RAB3C: variants seen among roughly 807,000 people sequenced by gnomAD.
RAB3C encodes the protein ras-related protein Rab-3C.
In RAB3C, 17 loss-of-function variants were observed where a neutral mutation model predicts 26.4. The ratio of observed to expected loss-of-function variants is 0.64; its 90% CI spans 0.44 to 0.97. The LOEUF (loss-of-function observed/expected upper bound fraction) is 0.97. Among genes scored for constraint, RAB3C ranks in the 50% least tolerant of loss-of-function variants. The pLI is 0.00. For synonymous variants in RAB3C, 91 were observed against 95.9 expected, an observed-to-expected ratio of 0.95 and a Z score of 0.30; for missense variants, 242 against 281.9, an observed-to-expected ratio of 0.86 and a Z score of 1.01.
At chr5:58,683,456 A>G (rs1748386801) in intron 2 of RAB3C, among the ~76,000 whole-genome samples, 1 of 152,176 alleles carries the variant, frequency 6.6e-6, no homozygotes, top group Admixed American at 6.5e-5. Flanking sequence ...TTATATCTGC[A>G]TACAGGCACA....
rs1561268324 is a variant in RAB3C at position 58,617,759 on chromosome 5, A to G, written c.141A>G (p.Leu47=). The change falls in exon 2 of 5, where the codon CTA becomes CTG. Residue 47 remains leucine (L), a synonymous_variant. Coordinates refer to ENST00000282878, the MANE Select transcript of RAB3C (RefSeq NM_138453.4). ...GCAGTGTGGGGAAAACATCTTTTCT[A>G]TTCCGTTATGCAGATGACTCCTTTA... ...GNSSVGKTSF[L]FRYADDSFTS... is the part of the protein sequence containing the mutation. 6.2e-7 allele frequency: 1 copy of G among 1,613,830 alleles called. No individual in the cohort carries two copies. The highest frequency in any genetic ancestry group is 2.2e-5 in the East Asian group (1 of 44,878).
At chr5:58,785,203 C>T (rs446155) in intron 3 of RAB3C, among the ~76,000 whole-genome samples, 119,290 of 152,168 alleles carry the variant, frequency 0.78, 46,913 homozygotes, top group African/African-American at 0.83. Context: ...ATTATCTGCA[C>T]GATGGAAACG....
chr5:58,707,125 G>A (rs1450807134), intron 2 of RAB3C, among the ~76,000 whole-genome samples: 1 of 152,002 alleles, frequency 6.6e-6, no homozygotes, highest in African/African-American at 2.4e-5. Flanking sequence ...TCCATTTCTG[G>A]AAAAAAGATG....
chr5:58,840,682 C>T (rs1743857253), intron 4 of RAB3C, among the ~76,000 whole-genome samples: 2 of 152,018 alleles, frequency 1.3e-5, no homozygotes, highest in African/African-American at 4.8e-5. Context: ...GTGGATGCAA[C>T]AGTGTACTCT....
chr5:58,652,220 T>C (rs1008566061), intron 2 of RAB3C, among the ~76,000 whole-genome samples: 1 of 151,800 alleles, frequency 6.6e-6, no homozygotes, highest in Non-Finnish European at 1.5e-5. Flanking sequence ...TTTTACAATG[T>C]TCTCTAAGGA....
At chr5:58,696,348 C>T (rs569670307) in intron 2 of RAB3C, among the ~76,000 whole-genome samples, 1 of 152,234 alleles carries the variant, frequency 6.6e-6, no homozygotes, top group South Asian at 2.1e-4. Context: ...AGGATTTTTC[C>T]ATCGATATTT....
chr5:58,816,391 A>G lies in RAB3C; in HGVS notation c.372-8647A>G, dbSNP rs574035817. On this transcript the variant is annotated intron_variant, in intron 3 of 4. Transcript: ENST00000282878. ...GAGGAGAAAGGGAGCTGGGGTATCT[A>G]TACTCCAACTTCTGTCAGTCATTGG... Among the ~76,000 whole-genome samples, 35 of 152,294 alleles carry G rather than the reference A, an allele frequency of 2.3e-4. No homozygotes were observed. In the South Asian group the frequency reaches 7.3e-3, roughly 32 times the overall value.
chr5:58,661,045 T>G (rs1747894942), intron 2 of RAB3C, among the ~76,000 whole-genome samples: 1 of 150,052 alleles, frequency 6.7e-6, no homozygotes, highest in African/African-American at 2.5e-5. Context: ...AATCAAAACA[T>G]GATAATGTTC....
chr5:58,679,223 TC>T (rs1233246447), intron 2 of RAB3C, among the ~76,000 whole-genome samples: 1 of 152,146 alleles, frequency 6.6e-6, no homozygotes, highest in Non-Finnish European at 1.5e-5. Flanking sequence ...GATTGAGGGT[TC>T]TGTGAATGTC....
intron 4 of RAB3C, among the ~76,000 whole-genome samples, chr5:58,826,934 T>C (rs1264519502): frequency 1.3e-5 from 2 of 152,144 alleles, no homozygotes; most frequent in African/African-American, 4.8e-5. Flanking sequence ...TTTGACCATT[T>C]CTCATGAGCT....
chr5:58,627,451 G>C (rs1262800296), intron 2 of RAB3C, among the ~76,000 whole-genome samples: 1 of 69,262 alleles, frequency 1.4e-5, no homozygotes, highest in Non-Finnish European at 2.6e-5. Context: ...CGGCCTGGGC[G>C]ACAGAGCGAG....
intron 3 of RAB3C, among the ~76,000 whole-genome samples, chr5:58,805,679 A>T (rs1023037335): frequency 2.0e-5 from 3 of 152,158 alleles, no homozygotes; most frequent in African/African-American, 7.2e-5. Flanking sequence ...ATGTTCCCAG[A>T]TGATGAGTTG....
At chr5:58,596,187 G>C (rs1372204633) in intron 1 of RAB3C, among the ~76,000 whole-genome samples, 1 of 151,932 alleles carries the variant, frequency 6.6e-6, no homozygotes. Flanking sequence ...TAGGACAATT[G>C]GTAACCCTAC....
chr5:58,594,832 A>G (rs1012141885), intron 1 of RAB3C, among the ~76,000 whole-genome samples: 1 of 145,298 alleles, frequency 6.9e-6, no homozygotes, highest in African/African-American at 2.5e-5. Flanking sequence ...AAACAAATGT[A>G]TTAATATTAA....
At chr5:58,617,132 C>T (rs749569621) in intron 1 of RAB3C, among the ~76,000 whole-genome samples, 4 of 152,076 alleles carry the variant, frequency 2.6e-5, no homozygotes, top group East Asian at 1.9e-4. Flanking sequence ...TTAAAAGACA[C>T]TGCCCTTTAT....
chr5:58,623,575 ACT>A (rs1043126009), intron 2 of RAB3C, among the ~76,000 whole-genome samples: 2 of 152,248 alleles, frequency 1.3e-5, no homozygotes, highest in African/African-American at 4.8e-5. Context: ...GAAAGCTGAT[ACT>A]GTGTCTGAAA....
chr5:58,708,447 C>T (rs1748993982), intron 2 of RAB3C, among the ~76,000 whole-genome samples: 1 of 152,170 alleles, frequency 6.6e-6, no homozygotes, highest in Admixed American at 6.5e-5. Context: ...GGATCAGACC[C>T]TGACCTTATT....
chr5:58,737,231 T>G (rs1270324567), intron 3 of RAB3C, among the ~76,000 whole-genome samples: 1 of 151,618 alleles, frequency 6.6e-6, no homozygotes, highest in South Asian at 2.1e-4. Context: ...TCAGATACCC[T>G]TATGGTAGCC....
upstream of RAB3C, chr5:58,582,910 C>T (rs923228568): frequency 9.0e-6 from 5 of 558,412 alleles, no homozygotes; most frequent in South Asian, 9.1e-5. Context: ...GCGGCCGAGC[C>T]CGACTGGCGG....
Sources: allele counts gnomAD v4.1 joint callset (sites outside exome capture counted in the v4.1 genomes callset), GRCh38; gene constraint gnomAD v4.1.1; transcripts MANE v1.5; gene names NCBI Gene and HGNC (gene_info 2026-07-23, HGNC 2026-07-21).